Variants in PHACTR3 observed in about 807,000 individuals in gnomAD.
The protein encoded by PHACTR3 is protein phosphatase 1, regulatory subunit 123.
Under a neutral mutation model 66.8 loss-of-function variants are expected in PHACTR3, and 16 were observed. The observed-to-expected ratio is 0.24, with a 90% CI of 0.16 to 0.36. The LOEUF is 0.36. Ranked by LOEUF, PHACTR3 falls within the 10% of genes least tolerant of loss-of-function variation. PHACTR3 has a pLI of 1.00. For missense variants in PHACTR3, 647 were observed against 719.9 expected, an observed-to-expected ratio of 0.90 and a Z score of 1.16; for synonymous variants, 323 against 292.1, an observed-to-expected ratio of 1.11 and a Z score of -1.08.
intron 1 of PHACTR3, among the ~76,000 whole-genome samples, chr20:59,607,439 T>C (rs2033707817): frequency 6.6e-6 from 1 of 152,220 alleles, no homozygotes; most frequent in Admixed American, 6.5e-5. Context: ...TGGAATAACC[T>C]CACACAGAGT....
intron 1 of PHACTR3, among the ~76,000 whole-genome samples, chr20:59,727,585 C>T (rs1011840203): frequency 3.3e-5 from 5 of 152,082 alleles, no homozygotes; most frequent in South Asian, 2.1e-4. Flanking sequence ...TTTGAGGCCT[C>T]GCTGTGCCAC....
intron 1 of PHACTR3, among the ~76,000 whole-genome samples, chr20:59,633,622 TG>T (rs2034748039): frequency 6.6e-6 from 1 of 152,230 alleles, no homozygotes; most frequent in African/African-American, 2.4e-5. Flanking sequence ...GCTTTTCTTT[TG>T]TTTTTGTTTT....
At chr20:59,774,125 G>A in intron 6 of PHACTR3, 118 bp from the exon 7 acceptor site, 1 of 1,328,082 alleles carries the variant, frequency 7.5e-7, no homozygotes, top group Non-Finnish European at 1.0e-6. Context: ...TAAAAACCAA[G>A]AGGTCACATG....
chr20:59,658,282 C>T (rs1368524500), intron 1 of PHACTR3, among the ~76,000 whole-genome samples: 1 of 151,676 alleles, frequency 6.6e-6, no homozygotes, highest in Non-Finnish European at 1.5e-5. Flanking sequence ...TGAAATCTTT[C>T]TAAGTCTGAC....
Position 59,785,336 on chromosome 20 carries a change from G to T in PHACTR3, c.1174+10846G>T, listed in dbSNP as rs755426085. ...ACCAGTTCCATCAGATCAGGGCCCC[G>T]CTCTTGCAACCTCCTTTAACCTTAG... is the stretch of plus-strand genomic sequence containing the variant. On this transcript the variant is annotated intron_variant, in intron 7 of 12. Transcript: ENST00000371015. Among the ~76,000 whole-genome samples, 5 of 152,122 alleles carry T rather than the reference G, an allele frequency of 3.3e-5. No individual in the cohort carries two copies. In the South Asian group the frequency reaches 1.0e-3, roughly 32 times the overall value.
chr20:59,834,964 A>C (rs896276015), intron 8 of PHACTR3, among the ~76,000 whole-genome samples: 3 of 152,226 alleles, frequency 2.0e-5, no homozygotes, highest in Non-Finnish European at 4.4e-5. Flanking sequence ...TTGTGTTTTC[A>C]GAAAGTTTAT....
chr20:59,733,730 C>T (rs897373953), intron 1 of PHACTR3, among the ~76,000 whole-genome samples: 2 of 152,142 alleles, frequency 1.3e-5, no homozygotes, highest in African/African-American at 2.4e-5. Flanking sequence ...CATCTGTGTG[C>T]CTCCATTGTC....
intron 4 of PHACTR3, among the ~76,000 whole-genome samples, chr20:59,760,581 G>C (rs558606490): frequency 9.2e-5 from 14 of 152,252 alleles, no homozygotes; most frequent in Admixed American, 7.2e-4. Context: ...TAAGATGTGC[G>C]TTTCGCCTTC....
chr20:59,589,689 C>G (rs184793414), intron 1 of PHACTR3, among the ~76,000 whole-genome samples: 1 of 152,110 alleles, frequency 6.6e-6, no homozygotes, highest in Non-Finnish European at 1.5e-5. Flanking sequence ...GTATATAAAT[C>G]CAGTAAACAT....
At chr20:59,769,898 C>T (rs1016513342) in intron 5 of PHACTR3, among the ~76,000 whole-genome samples, 6 of 152,238 alleles carry the variant, frequency 3.9e-5, no homozygotes, top group African/African-American at 1.2e-4. Flanking sequence ...CAAAACTGTG[C>T]TACTTTGCAT....
chr20:59,795,776 T>C (rs1343598812), intron 7 of PHACTR3, among the ~76,000 whole-genome samples: 1 of 152,114 alleles, frequency 6.6e-6, no homozygotes, highest in African/African-American at 2.4e-5. Context: ...GATATAAGCA[T>C]AGCTACTCCT....
In PHACTR3 at chr20:59,635,141, T is replaced by TTC. The variant is rs1273134064; in HGVS notation, c.118+30011_118+30012dup. Among the ~76,000 whole-genome samples, 309 of 68,302 alleles carry TTC rather than the reference T, an allele frequency of 4.5e-3. 15 individuals carry two copies. The highest frequency in any genetic ancestry group is 0.015 in the African/African-American group (281 of 18,474). 44.8% of individuals were successfully genotyped at this position (68,302 alleles called of 152,430 possible). ...TTTCTTTCTTTCTTTCTTTCTTTCT[T>TTC]TCTTTCTTTTTCTTTCTTTCTTTCT... On this transcript the variant is annotated intron_variant, in intron 1 of 12. Coordinates refer to ENST00000371015, the MANE Select transcript of PHACTR3 (RefSeq NM_080672.5).
At chr20:59,762,894 T>C (rs768707138) in intron 4 of PHACTR3, among the ~76,000 whole-genome samples, 1 of 152,128 alleles carries the variant, frequency 6.6e-6, no homozygotes, top group Non-Finnish European at 1.5e-5. Context: ...GCCTGTGAAT[T>C]AGATACAAGG....
chr20:59,612,660 A>G (rs1424001246), intron 1 of PHACTR3, among the ~76,000 whole-genome samples: 1 of 152,212 alleles, frequency 6.6e-6, no homozygotes, highest in African/African-American at 2.4e-5. Context: ...CTGGGATTAC[A>G]GGCGTAAGCC....
In PHACTR3 at chr20:59,629,460, T is replaced by A. The variant is rs114918439; in HGVS notation, c.118+24328T>A. 9.9e-3 allele frequency among the ~76,000 whole-genome samples: 1,508 copies of A among 152,306 alleles called. 28 individuals are homozygous for A. Among genetic ancestry groups the A allele is most frequent in the African/African-American group, 0.034 (1,400 of 41,574 alleles). The stretch of plus-strand genomic sequence containing the variant: ...GATTCCACAGCAGAAACCTACTCTC[T>A]CGCAGTGCTGGAGGCTGGAGGTCTG... On this transcript the variant is annotated intron_variant, in intron 1 of 12. Coordinates refer to ENST00000371015, the MANE Select transcript of PHACTR3 (RefSeq NM_080672.5).
intron 1 of PHACTR3, among the ~76,000 whole-genome samples, chr20:59,672,606 A>G (rs2036231921): frequency 6.6e-6 from 1 of 152,180 alleles, no homozygotes; most frequent in Non-Finnish European, 1.5e-5. Flanking sequence ...TGTGAGGATT[A>G]AATGGTTTAA....
At chr20:59,651,530 A>T (rs1406989757) in intron 1 of PHACTR3, among the ~76,000 whole-genome samples, 1 of 152,216 alleles carries the variant, frequency 6.6e-6, no homozygotes, top group Non-Finnish European at 1.5e-5. Flanking sequence ...CCCCCTTTGG[A>T]CCAGTAATCC....
intron 3 of PHACTR3, among the ~76,000 whole-genome samples, chr20:59,748,484 A>G (rs1601254887): frequency 6.6e-6 from 1 of 152,226 alleles, no homozygotes; most frequent in East Asian, 1.9e-4. Flanking sequence ...AGTGGGGTCT[A>G]CATAATCATC....
chr20:59,580,468 T>G (rs2032825565), intron 1 of PHACTR3, among the ~76,000 whole-genome samples: 1 of 152,178 alleles, frequency 6.6e-6, no homozygotes, highest in Admixed American at 6.5e-5. Flanking sequence ...GGGCCAGGGC[T>G]GCATTAATTT....
Sources: gnomAD v4.1 joint callset for allele counts (sites outside exome capture counted in the v4.1 genomes callset) on GRCh38, gnomAD v4.1.1 for gene constraint, MANE v1.5 for transcripts, NCBI Gene and HGNC (gene_info 2026-07-23, HGNC 2026-07-21) for gene names.